The following CRTC3 variants were observed in gnomAD, a reference collection of about 807,000 sequenced individuals.
CRTC3 encodes the protein CREB-regulated transcription coactivator 3.
A neutral mutation model predicts 74.5 loss-of-function variants in CRTC3; 26 were observed. That is an observed-to-expected ratio of 0.35 (90% confidence interval 0.26 to 0.48). The LOEUF is 0.48. Among genes scored for constraint, CRTC3 ranks in the 20% least tolerant of loss-of-function variants. The pLI is 0.99. For synonymous variants in CRTC3, 377 were observed against 325.8 expected, an observed-to-expected ratio of 1.16 and a Z score of -1.69; for missense variants, 760 against 787.3, an observed-to-expected ratio of 0.97 and a Z score of 0.41.
At chr15:90,608,044 C>A (rs4261511) in intron 6 of CRTC3, among the ~76,000 whole-genome samples, 1 of 151,824 alleles carries the variant, frequency 6.6e-6, no homozygotes, top group African/African-American at 2.4e-5. Context: ...AGGCAAGCCT[C>A]GGGGAGGGAG....
intron 2 of CRTC3, among the ~76,000 whole-genome samples, chr15:90,554,492 C>T (rs1428840840): frequency 3.9e-5 from 6 of 152,226 alleles, no homozygotes; most frequent in African/African-American, 1.4e-4. Context: ...CATGAGCCAC[C>T]ATGACCAGCC....
intron 2 of CRTC3, among the ~76,000 whole-genome samples, chr15:90,568,396 G>T (rs986486028): frequency 2.6e-5 from 4 of 151,872 alleles, no homozygotes; most frequent in African/African-American, 9.7e-5. Flanking sequence ...TGTCACCCAT[G>T]CTGGAGTGCA....
chr15:90,615,063 A>AAAATAAAT (rs746767999), intron 7 of CRTC3, among the ~76,000 whole-genome samples: 7 of 151,730 alleles, frequency 4.6e-5, no homozygotes, highest in Non-Finnish European at 7.4e-5. Context: ...ACTCCGTCTA[A>AAAATAAAT]AAATAAATAA....
Position 90,576,666 on chromosome 15 carries a change from G to A in CRTC3, c.232-16970G>A, listed in dbSNP as rs972007623. Among the ~76,000 whole-genome samples, 96 of 152,168 alleles carry A rather than the reference G, an allele frequency of 6.3e-4. 1 individual carries two copies. The highest frequency in any genetic ancestry group is 2.3e-3 in the African/African-American group (94 of 41,422). On this transcript the variant is annotated intron_variant, in intron 2 of 14. Coordinates refer to ENST00000268184, the MANE Select transcript of CRTC3 (RefSeq NM_022769.5). ...GAAAGAAACACTCAGAGAGGTAGGA[G>A]AAAAATGGGACGGCATGGAGCCCCA...
intron 6 of CRTC3, among the ~76,000 whole-genome samples, chr15:90,612,734 G>T (rs1389699854): frequency 6.6e-6 from 1 of 152,070 alleles, no homozygotes; most frequent in Non-Finnish European, 1.5e-5. Context: ...ATAGGAATCC[G>T]CAACTCCTGT....
At position 90,615,092 on chromosome 15, in the gene CRTC3, T is replaced by TAAATAAATA. The variant is rs1170678951; in HGVS notation, c.613+606_613+607insATAAATAAA. Reference sequence around the variant, plus strand: ...TAAATAAATAAATAAATAAATAAATTAATTAATTGATCACTTAAACAATTA... The same window carrying TAAATAAATA: ...TAAATAAATAAATAAATAAATAAATTAAATAAATAAATTAATTGATCACTTAAACAATTA... On this transcript the variant is annotated intron_variant, in intron 7 of 14. Coordinates refer to ENST00000268184, the MANE Select transcript of CRTC3 (RefSeq NM_022769.5). Among the ~76,000 whole-genome samples the TAAATAAATA allele has an allele frequency of 7.8e-3, 1,192 of 151,998 alleles. 23 individuals carry two copies. Among genetic ancestry groups the TAAATAAATA allele is most frequent in the African/African-American group, 0.027 (1,125 of 41,392 alleles).
At chr15:90,547,002 G>A (rs1966845437) in intron 2 of CRTC3, among the ~76,000 whole-genome samples, 1 of 152,210 alleles carries the variant, frequency 6.6e-6, no homozygotes, top group African/African-American at 2.4e-5. Flanking sequence ...ATAATATGGA[G>A]TCTTCCACGA....
In CRTC3 at chr15:90,643,413, G is replaced by A. The variant is rs539733658; in HGVS notation, c.*1273G>A. The A allele has an allele frequency of 1.9e-3, 428 of 228,714 alleles. 2 individuals carry two copies. Among genetic ancestry groups the A allele is most frequent in the Non-Finnish European group, 1.8e-3 (212 of 115,256 alleles). The allele number at this position is 228,714 out of a possible 1,614,324, so 14.2% of individuals were successfully genotyped here. A position where few individuals can be genotyped will look rare whatever the true frequency, so the allele number is the denominator to read the frequency against. On this transcript the variant is annotated 3_prime_UTR_variant, in exon 15 of 15. Coordinates refer to ENST00000268184, the MANE Select transcript of CRTC3 (RefSeq NM_022769.5). Reference sequence around the variant, plus strand: ...GCATTCTCCTTGGGCTGTGCTCCACGCGGGTGGGTGGGAGCTGTCTTCTGA... The same window carrying A: ...GCATTCTCCTTGGGCTGTGCTCCACACGGGTGGGTGGGAGCTGTCTTCTGA...
intron 2 of CRTC3, among the ~76,000 whole-genome samples, chr15:90,571,676 GA>G (rs1159723280): frequency 5.9e-5 from 9 of 152,130 alleles, no homozygotes; most frequent in African/African-American, 2.2e-4. Flanking sequence ...CATGAAACAT[GA>G]AAAGTAAAAG....
At chr15:90,538,954 G>T (rs982561912) in intron 1 of CRTC3, among the ~76,000 whole-genome samples, 5 of 152,174 alleles carry the variant, frequency 3.3e-5, no homozygotes, top group African/African-American at 9.7e-5. Flanking sequence ...TGTAACAGCA[G>T]GAGAGTACAG....
intron 5 of CRTC3, among the ~76,000 whole-genome samples, chr15:90,606,202 A>G (rs4609824): frequency 0.23 from 35,310 of 151,648 alleles, 4,340 homozygotes; most frequent in African/African-American, 0.3. Flanking sequence ...GTTGCAGTGA[A>G]CACCACTGTA....
At chr15:90,549,571 T>C (rs998261641) in intron 2 of CRTC3, among the ~76,000 whole-genome samples, 2 of 152,032 alleles carry the variant, frequency 1.3e-5, no homozygotes, top group Non-Finnish European at 2.9e-5. Flanking sequence ...AGCCCAGGAG[T>C]TGGAGAAAGA....
chr15:90,594,001 G>A (rs983103990), intron 3 of CRTC3: 4 of 346,310 alleles, frequency 1.2e-5, no homozygotes, highest in African/African-American at 4.2e-5. Flanking sequence ...AAAACAACCT[G>A]TAATTCGGTC....
chr15:90,616,898 A>G (rs1410346218), intron 7 of CRTC3, among the ~76,000 whole-genome samples: 1 of 151,990 alleles, frequency 6.6e-6, no homozygotes, highest in African/African-American at 2.4e-5. Flanking sequence ...TTTCCATCCC[A>G]CAACCAAGGA....
In CRTC3 at chr15:90,629,306, A is replaced by G; in HGVS notation, c.1040A>G (p.Asn347Ser). The change falls in exon 11 of 15, where the codon AAT (asparagine) becomes AGT (serine). Residue 347 changes from asparagine to serine, a missense_variant. Asn to Ser is a conservative substitution (Grantham distance 46). Transcript: ENST00000268184. ...AAGACTGTGCTTTCCTCTTCCTTAA[A>G]TAACCACCCACAGACATCTGTTCCC... ...LNKTVLSSSL[N>S]NHPQTSVPNA... 6.2e-7 allele frequency: 1 copy of G among 1,614,128 alleles called. No homozygotes were observed. The highest frequency in any genetic ancestry group is 8.5e-7 in the Non-Finnish European group (1 of 1,180,020).
At chr15:90,533,949 G>T (rs992175649) in intron 1 of CRTC3, among the ~76,000 whole-genome samples, 3 of 152,126 alleles carry the variant, frequency 2.0e-5, no homozygotes, top group Non-Finnish European at 4.4e-5. Context: ...GAGGGGATGT[G>T]AGATGAGGCT....
At chr15:90,579,937 A>G (rs1193799141) in intron 2 of CRTC3, among the ~76,000 whole-genome samples, 1 of 152,026 alleles carries the variant, frequency 6.6e-6, no homozygotes, top group Non-Finnish European at 1.5e-5. Flanking sequence ...CCACCTGCCC[A>G]GACACGTATT....
intron 6 of CRTC3, among the ~76,000 whole-genome samples, chr15:90,611,704 A>T (rs944011375): frequency 1.3e-5 from 2 of 152,028 alleles, no homozygotes; most frequent in Non-Finnish European, 2.9e-5. Flanking sequence ...GTATGTCTCA[A>T]ATCTGCCTCT....
At chr15:90,641,833 T>G in intron 14 of CRTC3, 99 bp from the exon 15 acceptor site, 1 of 923,166 alleles carries the variant, frequency 1.1e-6, no homozygotes. Context: ...ATGTGTGGGA[T>G]AGCAGTTTAG....
Sources: gnomAD v4.1 joint callset for allele counts (sites outside exome capture counted in the v4.1 genomes callset) on GRCh38, gnomAD v4.1.1 for gene constraint, MANE v1.5 for transcripts, NCBI Gene and HGNC (gene_info 2026-07-23, HGNC 2026-07-21) for gene names.